Variants in XPO7 observed in about 807,000 individuals in gnomAD.
XPO7 encodes the protein exportin-7.
Under a neutral mutation model 144.3 loss-of-function variants are expected in XPO7, and 21 were observed. The observed-to-expected ratio is 0.15, with a 90% CI of 0.10 to 0.21. XPO7 has a LOEUF of 0.21. Among genes scored for constraint, XPO7 ranks in the 10% least tolerant of loss-of-function variants. The pLI is 1.00. For missense variants in XPO7, 808 were observed against 1,325.8 expected (o/e 0.61, Z 6.06); for synonymous variants, 580 against 499.6 (o/e 1.16, Z -2.15).
chr8:21,962,020 A>G (rs1365092957), intron 1 of XPO7, among the ~76,000 whole-genome samples: 1 of 152,210 alleles, frequency 6.6e-6, no homozygotes, highest in Non-Finnish European at 1.5e-5. Context: ...TTCCCTGATG[A>G]TTATTGAGGT....
chr8:21,927,659 C>T (rs910853057), intron 1 of XPO7, among the ~76,000 whole-genome samples: 27 of 151,756 alleles, frequency 1.8e-4, no homozygotes, highest in African/African-American at 6.3e-4. Context: ...AGTTCTCCTG[C>T]CTCAGCCTCC....
At chr8:21,960,696 G>A (rs765309278) in intron 1 of XPO7, among the ~76,000 whole-genome samples, 6 of 152,246 alleles carry the variant, frequency 3.9e-5, no homozygotes, top group Middle Eastern at 3.4e-3. Flanking sequence ...TTGTTTTACC[G>A]TAGTAGACAT....
At chr8:21,984,572 C>T (rs1812514878) in intron 11 of XPO7, 74 bp from the exon 12 acceptor site, 1 of 1,368,112 alleles carries the variant, frequency 7.3e-7, no homozygotes, top group Admixed American at 2.5e-5. Context: ...GTGAAGAAGT[C>T]AGAGAGCTGC....
chr8:21,984,953 G>T, intron 12 of XPO7, 114 bp downstream of exon 12: 1 of 1,135,880 alleles, frequency 8.8e-7, no homozygotes, highest in Non-Finnish European at 1.2e-6. Context: ...TTCATCATCT[G>T]TTGTCTCCAT....
chr8:21,950,103 G>C (rs2117287614), intron 1 of XPO7, among the ~76,000 whole-genome samples: 1 of 152,298 alleles, frequency 6.6e-6, no homozygotes, highest in East Asian at 1.9e-4. Context: ...TTCTGAACTT[G>C]ACTGACCACT....
chr8:22,005,157 A>C lies in XPO7; in HGVS notation c.*69A>C. On this transcript the variant is annotated 3_prime_UTR_variant, in exon 28 of 28. Coordinates refer to ENST00000252512, the MANE Select transcript of XPO7 (RefSeq NM_015024.5). Reference sequence around the variant, plus strand: ...TTGGCCCAGAGGGGCGAACAATTGCAAGGGAGAGGGCCTGGCTGATCCTGG... The same window carrying C: ...TTGGCCCAGAGGGGCGAACAATTGCCAGGGAGAGGGCCTGGCTGATCCTGG... The C allele has an allele frequency of 7.6e-7, 1 of 1,324,488 alleles. No homozygotes were observed. Among genetic ancestry groups the C allele is most frequent in the Non-Finnish European group, 1.1e-6 (1 of 949,804 alleles). 82.0% of individuals were successfully genotyped at this position (1,324,488 alleles called of 1,614,324 possible).
intron 19 of XPO7, among the ~76,000 whole-genome samples, chr8:21,992,781 T>C (rs1300447338): frequency 6.6e-6 from 1 of 152,228 alleles, no homozygotes; most frequent in Non-Finnish European, 1.5e-5. Context: ...TCTTGATTGT[T>C]GCTTTCTTCA....
At chr8:21,948,862 G>C (rs1156887158) in intron 1 of XPO7, among the ~76,000 whole-genome samples, 1 of 152,124 alleles carries the variant, frequency 6.6e-6, no homozygotes, top group Non-Finnish European at 1.5e-5. Context: ...ATAGATGTGG[G>C]ATTATTTCAA....
chr8:21,995,435 T>C, intron 20 of XPO7, 57 bp from the exon 21 acceptor site: 1 of 1,488,144 alleles, frequency 6.7e-7, no homozygotes, highest in Non-Finnish European at 9.2e-7. Context: ...TGAAAAACTA[T>C]TTTAAATTCT....
At position 21,999,316 on chromosome 8, in the gene XPO7, C is replaced by G. The variant is rs758323390; in HGVS notation, c.2643+11C>G. 1.2e-6 allele frequency: 2 copies of G among 1,612,018 alleles called. No homozygotes were observed. The highest frequency in any genetic ancestry group is 1.7e-5 in the Admixed American group (1 of 59,996). Reference sequence around the variant, plus strand: ...CACAGTGATCTCTTGGTAAGCCTTACGCTGCATTGCCACAATCTTGTTCCT... The same window carrying G: ...CACAGTGATCTCTTGGTAAGCCTTAGGCTGCATTGCCACAATCTTGTTCCT... On this transcript the variant is annotated intron_variant, in intron 23 of 27. Transcript: ENST00000252512.
rs888384155 is a variant in XPO7 at position 21,970,662 on chromosome 8, G to A, written c.426+352G>A. ...CAGTACATATATTTTGAATAAGTGCGTTTGTAGGGTCAATTCCTAGCCTTG... is the reference window on the plus strand; with the variant it reads ...CAGTACATATATTTTGAATAAGTGCATTTGTAGGGTCAATTCCTAGCCTTG... On this transcript the variant is annotated intron_variant, in intron 4 of 27. Coordinates refer to ENST00000252512, the MANE Select transcript of XPO7 (RefSeq NM_015024.5). Among the ~76,000 whole-genome samples the A allele has an allele frequency of 9.9e-5, 15 of 152,206 alleles. No homozygotes were observed. The South Asian group carries it at 1.0e-3, about 11-fold the overall frequency.
chr8:21,924,413 CT>C (rs1404458553), intron 1 of XPO7, among the ~76,000 whole-genome samples: 4 of 152,090 alleles, frequency 2.6e-5, no homozygotes, highest in Non-Finnish European at 4.4e-5. Context: ...CAGAAGTCCC[CT>C]GATACCATCT....
chr8:21,928,527 C>G (rs538748085), intron 1 of XPO7, among the ~76,000 whole-genome samples: 30 of 152,292 alleles, frequency 2.0e-4, no homozygotes, highest in African/African-American at 7.2e-4. Flanking sequence ...GACTGTACCT[C>G]GAGTTATTTC....
At chr8:21,957,412 T>G (rs1811571919) in intron 1 of XPO7, among the ~76,000 whole-genome samples, 1 of 152,212 alleles carries the variant, frequency 6.6e-6, no homozygotes, top group South Asian at 2.1e-4. Flanking sequence ...GTAGCATAAA[T>G]GAAGTTTGTT....
At chr8:21,940,886 T>C in intron 1 of XPO7, among the ~76,000 whole-genome samples, 1 of 152,128 alleles carries the variant, frequency 6.6e-6, no homozygotes, top group East Asian at 1.9e-4. Flanking sequence ...CATCTGTAGT[T>C]TTCAGGAAAT....
intron 19 of XPO7, among the ~76,000 whole-genome samples, chr8:21,993,713 A>G (rs1036403725): frequency 1.3e-5 from 2 of 152,006 alleles, no homozygotes; most frequent in Admixed American, 6.6e-5. Flanking sequence ...CTGCAAATGG[A>G]GAGTACTGAT....
Position 21,982,838 on chromosome 8 carries a change from C to T in XPO7, c.1277+26C>T, listed in dbSNP as rs371805142. 32 of 1,573,396 alleles carry T rather than the reference C, an allele frequency of 2.0e-5. 1 individual carries two copies. Among genetic ancestry groups the T allele is most frequent in the South Asian group, 1.2e-5 (1 of 83,718 alleles). ...GTAAGGAAACTTAGCCTCATTCATT[C>T]CCGCACCAGTGGCCTGTTGTCACAC... On this transcript the variant is annotated intron_variant, in intron 11 of 27. Coordinates refer to ENST00000252512, the MANE Select transcript of XPO7 (RefSeq NM_015024.5).
intron 20 of XPO7, 35 bp from the exon 21 acceptor site, chr8:21,995,457 G>A: frequency 6.5e-7 from 1 of 1,544,730 alleles, no homozygotes; most frequent in Non-Finnish European, 8.8e-7. Flanking sequence ...TACCTTTCTG[G>A]AATCAGAAAT....
At chr8:21,999,420 T>A in intron 23 of XPO7, 115 bp downstream of exon 23, 1 of 1,566,636 alleles carries the variant, frequency 6.4e-7, no homozygotes, top group South Asian at 1.2e-5. Flanking sequence ...CTCCTTTTGC[T>A]CTAACTAAGT....
Sources: gnomAD v4.1 joint callset for allele counts (sites outside exome capture counted in the v4.1 genomes callset) on GRCh38, gnomAD v4.1.1 for gene constraint, MANE v1.5 for transcripts, NCBI Gene and HGNC (gene_info 2026-07-23, HGNC 2026-07-21) for gene names.